Variants in NUP210L observed in about 807,000 individuals in gnomAD.
NUP210L encodes nuclear pore membrane glycoprotein 210-like.
A neutral mutation model predicts 208.5 loss-of-function variants in NUP210L; 74 were observed. That is an observed-to-expected ratio of 0.35 (90% CI 0.29 to 0.43). NUP210L has a LOEUF of 0.43. Among genes scored for constraint, NUP210L ranks in the 20% least tolerant of loss-of-function variants. The pLI, the probability that NUP210L is intolerant of heterozygous loss-of-function variation, is 1.00. For synonymous variants in NUP210L, 780 were observed against 816.9 expected, an observed-to-expected ratio of 0.95 and a Z score of 0.77; for missense variants, 1,843 against 2,289.4, an observed-to-expected ratio of 0.81 and a Z score of 3.98.
chr1:154,004,490 C>T (rs1650395817), intron 35 of NUP210L, among the ~76,000 whole-genome samples: 1 of 152,122 alleles, frequency 6.6e-6, no homozygotes, highest in Non-Finnish European at 1.5e-5. Flanking sequence ...GCCTCAGCCT[C>T]CCACGTAGCT....
chr1:154,132,911 T>C (rs1247324067), intron 7 of NUP210L, among the ~76,000 whole-genome samples: 1 of 152,172 alleles, frequency 6.6e-6, no homozygotes, highest in Non-Finnish European at 1.5e-5. Context: ...TCAAGTCTGA[T>C]AGAATTTTTT....
chr1:154,050,846 T>C (rs1049966082), intron 25 of NUP210L, among the ~76,000 whole-genome samples: 5 of 152,222 alleles, frequency 3.3e-5, no homozygotes, highest in African/African-American at 1.2e-4. Context: ...GGTCTAATAA[T>C]GGTAAAGCTT....
chr1:154,074,484 C>T (rs1353083309), intron 16 of NUP210L, among the ~76,000 whole-genome samples: 1 of 147,086 alleles, frequency 6.8e-6, no homozygotes, highest in Non-Finnish European at 1.5e-5. Flanking sequence ...ACTATGGGAT[C>T]ACGATTTTTT....
At chr1:153,996,295 C>G (rs1223128712) in intron 37 of NUP210L, among the ~76,000 whole-genome samples, 1 of 152,102 alleles carries the variant, frequency 6.6e-6, no homozygotes, top group African/African-American at 2.4e-5. Flanking sequence ...CTATTTCAAA[C>G]AAAACAAAAC....
At chr1:154,057,315 C>T (rs1168309437) in intron 22 of NUP210L, among the ~76,000 whole-genome samples, 1 of 152,012 alleles carries the variant, frequency 6.6e-6, no homozygotes, top group Non-Finnish European at 1.5e-5. Flanking sequence ...TGCATCTTTC[C>T]AAGGTGCTTA....
Position 154,001,992 on chromosome 1 carries a change from A to G in NUP210L, c.4931-7T>C, listed in dbSNP as rs1427713544. Reference sequence around the variant, plus strand: ...ATTATGCAGACATAAACCCCTGGAAAAAAAAGAGGAAAAACTGAGCAGGAA... The same window carrying G: ...ATTATGCAGACATAAACCCCTGGAAGAAAAAGAGGAAAAACTGAGCAGGAA... On this transcript the variant is annotated splice_polypyrimidine_tract_variant and splice_region_variant and intron_variant, in intron 35 of 39. Coordinates refer to ENST00000368559, the Ensembl canonical transcript of NUP210L. 5.6e-6 allele frequency: 9 copies of G among 1,611,516 alleles called. No homozygotes were observed. The highest frequency in any genetic ancestry group is 7.6e-6 in the Non-Finnish European group (9 of 1,178,234).
intron 17 of NUP210L, among the ~76,000 whole-genome samples, chr1:154,068,068 C>T (rs1298575880): frequency 1.3e-5 from 2 of 152,092 alleles, no homozygotes; most frequent in Non-Finnish European, 2.9e-5. Context: ...CTACCAATGA[C>T]TTTTTTCACA....
chr1:154,103,186 G>A lies in NUP210L; in HGVS notation c.1819+826C>T, dbSNP rs570848411. ...AGGCGGGCAGATCACCTGAGGTCAG[G>A]AGTTCAAGACCAGCCTGGCCAACAT... On this transcript the variant is annotated intron_variant, in intron 13 of 39. Transcript: ENST00000368559. 2.0e-4 allele frequency among the ~76,000 whole-genome samples: 31 copies of A among 151,554 alleles called. No individual in the cohort carries two copies. In the East Asian group the frequency reaches 4.3e-3, roughly 21 times the overall value.
chr1:154,026,789 A>T (rs189869894), intron 29 of NUP210L, among the ~76,000 whole-genome samples: 5 of 152,306 alleles, frequency 3.3e-5, no homozygotes. Flanking sequence ...TAACTTAAAG[A>T]AGCCAACACA....
intron 18 of NUP210L, 53 bp from the exon 19 acceptor site, chr1:154,061,099 C>T (rs969780529): frequency 2.1e-5 from 27 of 1,306,554 alleles, no homozygotes; most frequent in Admixed American, 1.2e-4. Context: ...AATTCTTGGC[C>T]GCCCACGGTG....
At chr1:154,005,749 G>A (rs1432100599) in intron 35 of NUP210L, among the ~76,000 whole-genome samples, 1 of 148,648 alleles carries the variant, frequency 6.7e-6, no homozygotes, top group Non-Finnish European at 1.5e-5. Context: ...TTGAGACAGC[G>A]TTTTGCTCTT....
At chr1:154,074,214 C>T (rs1654922941) in intron 16 of NUP210L, among the ~76,000 whole-genome samples, 3 of 152,074 alleles carry the variant, frequency 2.0e-5, no homozygotes, top group Non-Finnish European at 2.9e-5. Context: ...GAGACTATCC[C>T]ATTTCCCAAC....
intron 33 of NUP210L, among the ~76,000 whole-genome samples, chr1:154,013,585 ACAAAACAAACAAAC>A (rs1261309326): frequency 2.0e-5 from 3 of 151,476 alleles, no homozygotes; most frequent in African/African-American, 7.3e-5. Context: ...AAAAAACAAA[ACAAAACAAACAAAC>A]AAAAACAAAA....
intron 13 of NUP210L, among the ~76,000 whole-genome samples, chr1:154,101,172 CAAAAAAAAA>C (rs35540425): frequency 1.9e-5 from 2 of 104,750 alleles, no homozygotes; most frequent in African/African-American, 3.8e-5. Flanking sequence ...AACTCTGTCT[CAAAAAAAAA>C]AAAAAAAAAA....
intron 34 of NUP210L, among the ~76,000 whole-genome samples, 173 bp downstream of exon 34, chr1:154,012,071 C>G (rs1273753484): frequency 6.6e-6 from 1 of 152,026 alleles, no homozygotes; most frequent in Non-Finnish European, 1.5e-5. Context: ...ATTTTAAAAC[C>G]TTAGTCTAGT....
At chr1:154,057,978 G>A (rs1653958237) in intron 22 of NUP210L, 111 bp downstream of exon 22, 2 of 1,160,066 alleles carry the variant, frequency 1.7e-6, no homozygotes, top group African/African-American at 1.5e-5. Context: ...TAACAGAAAA[G>A]GAATGGAGAA....
At chr1:154,001,763 C>G in exon 36 of NUP210L, 2 of 1,614,106 alleles carry the variant, frequency 1.2e-6, no homozygotes, top group East Asian at 4.5e-5. Context: ...TCTGTCCACT[C>G]CCAGTACTCT....
intron 2 of NUP210L, among the ~76,000 whole-genome samples, chr1:154,146,629 A>C (rs7540261): frequency 0.82 from 64,050 of 77,742 alleles, 26,806 homozygotes; most frequent in Non-Finnish European, 0.9. Context: ...TCCCCCCCCC[A>C]CCAAAAAAAG....
At chr1:154,107,265 G>A (rs1656812580) in intron 12 of NUP210L, among the ~76,000 whole-genome samples, 1 of 151,106 alleles carries the variant, frequency 6.6e-6, no homozygotes, top group African/African-American at 2.4e-5. Context: ...CACGAGATCA[G>A]GAGATCGAGA....
Sources: gnomAD v4.1 joint callset for allele counts (sites outside exome capture counted in the v4.1 genomes callset) on GRCh38, gnomAD v4.1.1 for gene constraint, MANE v1.5 for transcripts, NCBI Gene and HGNC (gene_info 2026-07-23, HGNC 2026-07-21) for gene names.